Variants in ZFHX3 observed in about 807,000 individuals in gnomAD.
ZFHX3 encodes zinc finger homeobox 3.
Under a neutral mutation model 279.1 loss-of-function variants are expected in ZFHX3, and 42 were observed. The observed-to-expected ratio is 0.15, with a 90% CI of 0.12 to 0.19. The LOEUF (loss-of-function observed/expected upper bound fraction) is 0.19, where lower values mean the gene tolerates loss of function less well. Ranked by LOEUF, ZFHX3 falls within the 10% of genes least tolerant of loss-of-function variation. The pLI is 1.00. For synonymous variants in ZFHX3, 2,293 were observed against 1,957.8 expected, an observed-to-expected ratio of 1.17 and a Z score of -4.52; for missense variants, 4,981 against 4,754.0, an observed-to-expected ratio of 1.05 and a Z score of -1.40.
rs879447390 is a variant in ZFHX3 at position 73,055,129 on chromosome 16, C to CT, written c.-24+3400dup. 4.9e-3 allele frequency among the ~76,000 whole-genome samples: 707 copies of CT among 145,172 alleles called. 3 individuals carry two copies. The highest frequency in any genetic ancestry group is 7.5e-3 in the Admixed American group (109 of 14,542). The stretch of plus-strand genomic sequence containing the variant: ...TAAACATGCCTTTTCTTTTCTCTCT[C>CT]TTTTTTTTTTTAATAGTTTGTTGTA... On this transcript the variant is annotated intron_variant, in intron 1 of 8. Transcript: ENST00000397992.
intron 3 of ZFHX3, among the ~76,000 whole-genome samples, chr16:73,426,902 T>C (rs982172487): frequency 8.5e-5 from 13 of 152,146 alleles, no homozygotes; most frequent in Admixed American, 7.2e-4. Flanking sequence ...CCCACATGCA[T>C]AAAGATGTCA....
At chr16:73,730,874 G>C (rs1478021911) in intron 1 of ZFHX3, among the ~76,000 whole-genome samples, 2 of 152,164 alleles carry the variant, frequency 1.3e-5, no homozygotes, top group African/African-American at 4.8e-5. Context: ...AGCCTCACAG[G>C]AGACCCTGGG....
At chr16:72,876,352 G>C (rs9930264) in intron 4 of ZFHX3, among the ~76,000 whole-genome samples, 4,885 of 152,184 alleles carry the variant, frequency 0.032, 283 homozygotes, top group African/African-American at 0.11. Flanking sequence ...TTCTCATTCA[G>C]TTTCATGAAA....
intron 2 of ZFHX3, among the ~76,000 whole-genome samples, chr16:73,610,756 G>C (rs538390496): frequency 4.1e-4 from 62 of 152,334 alleles, no homozygotes; most frequent in African/African-American, 1.4e-3. Flanking sequence ...ACATATCTTA[G>C]CAAGGAACAA....
chr16:73,555,528 A>T (rs1218986541), intron 2 of ZFHX3, among the ~76,000 whole-genome samples: 2 of 149,008 alleles, frequency 1.3e-5, no homozygotes, highest in Non-Finnish European at 3.0e-5. Context: ...AGTACTGTAA[A>T]CTCTTTGAAA....
chr16:72,994,570 A>T (rs1005458443), intron 1 of ZFHX3, among the ~76,000 whole-genome samples: 1 of 152,084 alleles, frequency 6.6e-6, no homozygotes, highest in Non-Finnish European at 1.5e-5. Context: ...TCCGACTCCT[A>T]CCTCCTCTAC....
chr16:73,770,141 A>G (rs2054001396), intron 1 of ZFHX3, among the ~76,000 whole-genome samples: 1 of 152,242 alleles, frequency 6.6e-6, no homozygotes, highest in Admixed American at 6.5e-5. Flanking sequence ...TGATAGCGAG[A>G]TTATTCTGGA....
chr16:73,584,462 G>A (rs1185730564), intron 2 of ZFHX3, among the ~76,000 whole-genome samples: 5 of 152,114 alleles, frequency 3.3e-5, no homozygotes, highest in African/African-American at 1.2e-4. Context: ...GAAGCCCACA[G>A]AATAAAATCA....
At chr16:73,095,917 A>C (rs911290592) in intron 7 of ZFHX3, among the ~76,000 whole-genome samples, 1 of 152,226 alleles carries the variant, frequency 6.6e-6, no homozygotes, top group Non-Finnish European at 1.5e-5. Context: ...TTGTTACAAC[A>C]TTGCACTTAC....
At chr16:73,235,582 T>A (rs775032464) in intron 5 of ZFHX3, among the ~76,000 whole-genome samples, 1 of 152,104 alleles carries the variant, frequency 6.6e-6, no homozygotes, top group Non-Finnish European at 1.5e-5. Flanking sequence ...GGTCACCTGA[T>A]GTATGGGGGA....
At chr16:73,136,173 C>G (rs574390515) in intron 6 of ZFHX3, among the ~76,000 whole-genome samples, 3 of 152,310 alleles carry the variant, frequency 2.0e-5, no homozygotes, top group Middle Eastern at 3.4e-3. Context: ...CATGGAGCCA[C>G]TTGAGTTTGC....
At chr16:73,702,340 A>G (rs2053256556) in intron 1 of ZFHX3, among the ~76,000 whole-genome samples, 1 of 152,148 alleles carries the variant, frequency 6.6e-6, no homozygotes, top group African/African-American at 2.4e-5. Flanking sequence ...TTTGATTGGC[A>G]GCATCAGCAC....
At chr16:73,201,099 G>A (rs1181147757) in intron 5 of ZFHX3, among the ~76,000 whole-genome samples, 1 of 152,176 alleles carries the variant, frequency 6.6e-6, no homozygotes, top group Non-Finnish European at 1.5e-5. Context: ...TCCAAGCCAG[G>A]CCAGCTGGAC....
At chr16:72,981,059 A>G (rs993419313) in intron 1 of ZFHX3, among the ~76,000 whole-genome samples, 2 of 152,192 alleles carry the variant, frequency 1.3e-5, no homozygotes, top group Non-Finnish European at 2.9e-5. Flanking sequence ...GTTCATGGCA[A>G]GCCAAGCCTT....
rs1555534216 is a variant in ZFHX3 at position 73,713,642 on chromosome 16, T to TA, written c.-1607-33403_-1607-33402insT. Among the ~76,000 whole-genome samples, 786 of 150,406 alleles carry TA rather than the reference T, an allele frequency of 5.2e-3. 4 individuals carry two copies. Among genetic ancestry groups the TA allele is most frequent in the African/African-American group, 0.012 (511 of 40,930 alleles). ...AAAGATATTAGCTTTTTTTTTTTTT[T>TA]TATACTCTAGTAAATTTGCTTTTTA... On this transcript the variant is annotated intron_variant, in intron 1 of 17. Coordinates refer to the ZFHX3 transcript ENST00000641206.
intron 2 of ZFHX3, among the ~76,000 whole-genome samples, chr16:73,668,650 T>TA (rs1360512358): frequency 6.6e-6 from 1 of 151,994 alleles, no homozygotes; most frequent in Non-Finnish European, 1.5e-5. Context: ...CTTTTTTTTT[T>TA]TTTTGCAATC....
chr16:73,166,098 A>T (rs1007115092), intron 5 of ZFHX3, among the ~76,000 whole-genome samples: 8 of 152,222 alleles, frequency 5.3e-5, no homozygotes, highest in African/African-American at 1.9e-4. Flanking sequence ...AATTAGGGGC[A>T]ATATAGAGAG....
intron 3 of ZFHX3, among the ~76,000 whole-genome samples, chr16:72,896,213 G>A (rs956640419): frequency 3.3e-5 from 5 of 152,174 alleles, no homozygotes; most frequent in African/African-American, 1.2e-4. Flanking sequence ...GGGTTCATAC[G>A]AGGGCTCACT....
intron 5 of ZFHX3, among the ~76,000 whole-genome samples, chr16:73,237,420 T>A (rs1042606744): frequency 7.2e-5 from 11 of 151,844 alleles, no homozygotes; most frequent in Non-Finnish European, 1.2e-4. Flanking sequence ...TAATTTTTTT[T>A]AAAAGATGGG....
Sources: allele counts gnomAD v4.1 joint callset (sites outside exome capture counted in the v4.1 genomes callset), GRCh38; gene constraint gnomAD v4.1.1; transcripts MANE v1.5; gene names NCBI Gene and HGNC (gene_info 2026-07-23, HGNC 2026-07-21).